The following NTRK1 variants were observed in gnomAD, a reference collection of about 807,000 sequenced individuals.
NTRK1 encodes high affinity nerve growth factor receptor.
Under a neutral mutation model 86.8 loss-of-function variants are expected in NTRK1, and 62 were observed. The observed-to-expected ratio is 0.71, with a 90% CI of 0.58 to 0.88. The LOEUF (loss-of-function observed/expected upper bound fraction) is 0.88, where lower values mean the gene tolerates loss of function less well. Among genes scored for constraint, NTRK1 ranks in the 40% least tolerant of loss-of-function variants. The pLI is 0.00. For missense variants in NTRK1, 967 were observed against 1,078.4 expected (o/e 0.90, Z 1.45); for synonymous variants, 469 against 456.6 (o/e 1.03, Z -0.35).
chr1:156,818,161 C>A (rs1444653358), intron 1 of NTRK1, among the ~76,000 whole-genome samples: 1 of 152,108 alleles, frequency 6.6e-6, no homozygotes, highest in African/African-American at 2.4e-5. Context: ...TCACTAATTT[C>A]ACTGTGATTT....
At chr1:156,877,337 CAG>C (rs1214650679) in intron 14 of NTRK1, among the ~76,000 whole-genome samples, 1 of 152,244 alleles carries the variant, frequency 6.6e-6, no homozygotes, top group Non-Finnish European at 1.5e-5. Flanking sequence ...TGGCTTCGGA[CAG>C]AACAACTCTG....
rs1571696289 is a variant in NTRK1, at chr1:156,873,949, C to T, written c.1167C>T (p.Asp389=). Reference sequence around the variant, plus strand: ...ACCCTTTCGAGTTCAACCCCGAGGACCCCATCCCTGGTGCGAGGGCCATCC... The same window carrying T: ...ACCCTTTCGAGTTCAACCCCGAGGATCCCATCCCTGGTGCGAGGGCCATCC... ...MDNPFEFNPE[D]PIPVSFSPVD... Residue 389 remains aspartate, a synonymous_variant, in exon 8 of 17, where the codon GAC becomes GAT. Coordinates refer to ENST00000524377, the MANE Select transcript of NTRK1 (RefSeq NM_002529.4). 3.2e-6 allele frequency: 5 copies of T among 1,553,302 alleles called. No individual in the cohort carries two copies. Among genetic ancestry groups the T allele is most frequent in the Non-Finnish European group, 4.4e-6 (5 of 1,147,864 alleles).
intron 16 of NTRK1, among the ~76,000 whole-genome samples, chr1:156,881,236 C>T (rs1307179993): frequency 6.6e-6 from 1 of 152,232 alleles, no homozygotes; most frequent in Non-Finnish European, 1.5e-5. Flanking sequence ...CCTACCCCAG[C>T]CCAAGCTTCC....
chr1:156,877,563 C>G (rs60112446), intron 14 of NTRK1, among the ~76,000 whole-genome samples: 1,782 of 152,308 alleles, frequency 0.012, 27 homozygotes, highest in African/African-American at 0.04. Flanking sequence ...TGAGATCACC[C>G]CCGGGAGGAT....
intron 2 of NTRK1, chr1:156,845,132 G>A: frequency 1.2e-6 from 2 of 1,611,790 alleles, no homozygotes; most frequent in South Asian, 2.2e-5. Flanking sequence ...CACGGTGTGC[G>A]CCGCGTGGTT....
At chr1:156,859,978 A>G (rs969454647), upstream of NTRK1, among the ~76,000 whole-genome samples, 3 of 152,190 alleles carry the variant, frequency 2.0e-5, no homozygotes, top group Non-Finnish European at 2.9e-5. The surrounding 1 kb of genome is among the most constrained non-coding windows in gnomAD (Gnocchi z 6.2). Context: ...CTCGGCCTCC[A>G]AGGTGCGCGG....
At chr1:156,879,429 C>A (rs993524504) in intron 15 of NTRK1, 67 bp downstream of exon 15, 2 of 1,542,578 alleles carry the variant, frequency 1.3e-6, no homozygotes, top group South Asian at 2.4e-5. Context: ...ATCCCAAGAC[C>A]ACTGAGAGCC....
chr1:156,874,842 A>T (rs2102911525), intron 10 of NTRK1, 64 bp from the exon 11 acceptor site: 2 of 1,320,494 alleles, frequency 1.5e-6, no homozygotes, highest in Non-Finnish European at 2.2e-6. Flanking sequence ...AAAATGGCTT[A>T]CTACAGGAGG....
intron 1 of NTRK1, chr1:156,837,826 C>T (rs1355599811): frequency 1.3e-5 from 2 of 152,234 alleles, no homozygotes; most frequent in South Asian, 2.1e-4. Flanking sequence ...TCCAAAGTGT[C>T]TACTCCAGGA....
Position 156,838,273 on chromosome 1 carries a change from G to A in NTRK1, c.-63-3808G>A, listed in dbSNP as rs531008998. Reference sequence around the variant, plus strand: ...TCCATAGTCCCCAGCACCCATTCTCGGGTGGAAGACCTGCCACAAGGCCAC... The same window carrying A: ...TCCATAGTCCCCAGCACCCATTCTCAGGTGGAAGACCTGCCACAAGGCCAC... On this transcript the variant is annotated intron_variant, in intron 1 of 16. Transcript: ENST00000392302. 7.2e-5 allele frequency among the ~76,000 whole-genome samples: 11 copies of A among 152,232 alleles called. No individual in the cohort carries two copies. In the East Asian group the frequency reaches 1.4e-3, roughly 19 times the overall value.
At chr1:156,860,135 C>G (rs1208474506), upstream of NTRK1, among the ~76,000 whole-genome samples, 1 of 152,206 alleles carries the variant, frequency 6.6e-6, no homozygotes, top group Non-Finnish European at 1.5e-5. Context: ...CCGGGGCCGG[C>G]GCTGGCTGGC....
chr1:156,874,731 G>C (rs951872435), intron 10 of NTRK1, 105 bp downstream of exon 10: 1 of 1,355,796 alleles, frequency 7.4e-7, no homozygotes, highest in South Asian at 1.2e-5. Flanking sequence ...ACTACCATCT[G>C]GCCTGAGCTC....
At chr1:156,874,470 C>G (rs368018354) in intron 9 of NTRK1, 70 bp downstream of exon 9, 1 of 1,611,448 alleles carries the variant, frequency 6.2e-7, no homozygotes. Context: ...GAGGGTACAG[C>G]TGAACTGATC....
chr1:156,851,846 C>A, intron 2 of NTRK1: 1 of 1,576,688 alleles, frequency 6.3e-7, no homozygotes, highest in Non-Finnish European at 8.6e-7. Flanking sequence ...CCTCAGGCCT[C>A]CTCACTGCTC....
intron 2 of NTRK1, chr1:156,844,317 A>T (rs772592455): frequency 6.4e-5 from 102 of 1,582,856 alleles, no homozygotes; most frequent in Non-Finnish European, 8.6e-5. Flanking sequence ...AGAGTCAAAG[A>T]TGTAGAAGTC....
At chr1:156,842,597 C>T in intron 2 of NTRK1, 1 of 949,372 alleles carries the variant, frequency 1.1e-6, no homozygotes, top group Non-Finnish European at 1.7e-6. Flanking sequence ...CAGTCTGACT[C>T]AGACACCAAA....
In NTRK1 at chr1:156,871,691, C is replaced by T. The variant is rs763488189; in HGVS notation, c.786C>T (p.Asn262=). The T allele has an allele frequency of 2.3e-5, 37 of 1,614,080 alleles. No individual in the cohort carries two copies. Among genetic ancestry groups the T allele is most frequent in the Admixed American group, 8.3e-5 (5 of 60,000 alleles). The change falls in exon 7 of 17, where the codon AAC becomes AAT. Residue 262 remains asparagine (N), a synonymous_variant. Transcript: ENST00000524377. The stretch of plus-strand genomic sequence containing the variant: ...TCACCAGTGACCTCAACAGGAAGAA[C>T]GTGACGTGCTGGGCAGAGAACGATG... ...ANVTSDLNRK[N]VTCWAENDVG...
rs147185486 is a variant in NTRK1 at position 156,869,932 on chromosome 1, T to C, written c.717+1285T>C. 6.7e-3 allele frequency among the ~76,000 whole-genome samples: 1,014 copies of C among 152,298 alleles called. 6 individuals carry two copies. The highest frequency in any genetic ancestry group is 0.022 in the African/African-American group (916 of 41,570). On this transcript the variant is annotated intron_variant, in intron 6 of 16. Coordinates refer to ENST00000524377, the MANE Select transcript of NTRK1 (RefSeq NM_002529.4). ...GGGGGGCTGGGAGCATGGTGTTTAT[T>C]TGGGGAGCCTTCACTTTGGTGGGAG...
At chr1:156,848,120 G>A (rs1655074898) in intron 2 of NTRK1, among the ~76,000 whole-genome samples, 1 of 152,114 alleles carries the variant, frequency 6.6e-6, no homozygotes, top group Admixed American at 6.6e-5. Flanking sequence ...TGCCCACGCT[G>A]GAGACCTTCA....
Sources: gnomAD v4.1 joint callset for allele counts (sites outside exome capture counted in the v4.1 genomes callset) on GRCh38, gnomAD v4.1.1 for gene constraint, Gnocchi (gnomAD v3.1) non-coding constraint, MANE v1.5 for transcripts, NCBI Gene and HGNC (gene_info 2026-07-23, HGNC 2026-07-21) for gene names.